Variants in TENM3 observed in about 807,000 individuals in gnomAD.
The protein encoded by TENM3 is teneurin transmembrane protein 3.
In TENM3, 63 loss-of-function variants were observed where a neutral mutation model predicts 255.1. The observed-to-expected ratio is 0.25, with a 90% CI of 0.20 to 0.30. The LOEUF is 0.30. Among genes scored for constraint, TENM3 ranks in the 10% least tolerant of loss-of-function variants. The probability of loss-of-function intolerance (pLI) is 1.00; values close to 1 mark genes in which losing one functional copy is unlikely to be tolerated. For synonymous variants in TENM3, 1,306 were observed against 1,322.3 expected (o/e 0.99, Z 0.27); for missense variants, 2,929 against 3,461.1 (o/e 0.85, Z 3.86).
the TENM3 span, among the ~76,000 whole-genome samples, chr4:181,850,412 G>T: frequency 1.1e-4 from 16 of 151,866 alleles, no homozygotes; most frequent in African/African-American, 3.4e-4. Context: ...TTTGGTATTT[G>T]CTTCTTTCAT....
rs189104760 is a variant in TENM3, at chr4:182,530,656, G to A, written c.512-70268G>A. 3.3e-5 allele frequency among the ~76,000 whole-genome samples: 5 copies of A among 152,236 alleles called. 1 individual carries two copies. The South Asian group carries it at 6.2e-4, about 19-fold the overall frequency. On this transcript the variant is annotated intron_variant, in intron 3 of 27. Transcript: ENST00000511685. ...ATGACAACCAAAAATGTCTCCAGAC[G>A]TTTTCTAATGTCCCCGGGGGAAAAA...
At chr4:182,341,840 A>G (rs1764505912) in intron 2 of TENM3, among the ~76,000 whole-genome samples, 1 of 152,250 alleles carries the variant, frequency 6.6e-6, no homozygotes, top group Non-Finnish European at 1.5e-5. Flanking sequence ...TTTGCATAGC[A>G]GACTCACAGA....
chr4:182,578,211 G>A (rs1329851334), intron 3 of TENM3, among the ~76,000 whole-genome samples: 2 of 152,052 alleles, frequency 1.3e-5, no homozygotes, highest in Non-Finnish European at 2.9e-5. Context: ...TTCTGACCTC[G>A]TGATCCGCGC....
At chr4:181,641,026 A>G in the TENM3 span, among the ~76,000 whole-genome samples, 1 of 152,190 alleles carries the variant, frequency 6.6e-6, no homozygotes, top group African/African-American at 2.4e-5. Flanking sequence ...TGGTAATCAC[A>G]CAAGGGACTA....
At chr4:181,824,015 A>G in the TENM3 span, among the ~76,000 whole-genome samples, 1 of 152,176 alleles carries the variant, frequency 6.6e-6, no homozygotes, top group African/African-American at 2.4e-5. Context: ...ATACAGATAT[A>G]TGAAGACACT....
At chr4:181,825,190 C>G in the TENM3 span, among the ~76,000 whole-genome samples, 1 of 152,072 alleles carries the variant, frequency 6.6e-6, no homozygotes, top group South Asian at 2.1e-4. Context: ...ATCATGAGGT[C>G]AAGAGACCAA....
the TENM3 span, among the ~76,000 whole-genome samples, chr4:181,605,490 GAAAGAAAGAAAGAAAGAAAGAA>G: frequency 4.1e-4 from 3 of 7,334 alleles, no homozygotes; most frequent in African/African-American, 1.3e-3. Flanking sequence ...GAGAAAGAAA[GAAAGAAAGAAAGAAAGAAAGAA>G]AGAAAGAAAG....
At chr4:182,670,855 A>T (rs1334538633) in intron 6 of TENM3, among the ~76,000 whole-genome samples, 2 of 152,160 alleles carry the variant, frequency 1.3e-5, no homozygotes, top group East Asian at 3.9e-4. Context: ...TGTTTGAGGC[A>T]TCGAAATGCA....
At chr4:182,077,886 G>T in the TENM3 span, among the ~76,000 whole-genome samples, 1 of 152,110 alleles carries the variant, frequency 6.6e-6, no homozygotes, top group Non-Finnish European at 1.5e-5. Context: ...GTGGATGGGG[G>T]CTTGTTGAGG....
the TENM3 span, among the ~76,000 whole-genome samples, chr4:181,875,486 A>C: frequency 5.3e-5 from 8 of 151,266 alleles, no homozygotes; most frequent in Non-Finnish European, 8.8e-5. Context: ...AACACTCTGA[A>C]ATAGGTTTTA....
intron 16 of TENM3, among the ~76,000 whole-genome samples, chr4:182,733,308 T>C (rs1760915563): frequency 6.6e-6 from 1 of 152,184 alleles, no homozygotes; most frequent in Non-Finnish European, 1.5e-5. Flanking sequence ...CACAAGCCAT[T>C]GGAGACCATG....
chr4:182,626,916 T>G (rs1750869182), intron 4 of TENM3, among the ~76,000 whole-genome samples: 1 of 152,178 alleles, frequency 6.6e-6, no homozygotes, highest in Non-Finnish European at 1.5e-5. Flanking sequence ...TAGTGCCATT[T>G]TTTTTACAGG....
At chr4:181,872,336 TTAAGTTCAGGGG>T in the TENM3 span, among the ~76,000 whole-genome samples, 1 of 146,730 alleles carries the variant, frequency 6.8e-6, no homozygotes, top group African/African-American at 2.5e-5. Flanking sequence ...AACTTTTATT[TTAAGTTCAGGGG>T]TACATGTGCA....
intron 3 of TENM3, among the ~76,000 whole-genome samples, chr4:182,449,868 T>C (rs1400504084): frequency 6.6e-6 from 1 of 152,192 alleles, no homozygotes; most frequent in African/African-American, 2.4e-5. Context: ...TTGTGCTGTA[T>C]CTGTTGAAGT....
chr4:182,262,703 T>G (rs1175716230), intron 1 of TENM3, among the ~76,000 whole-genome samples: 1 of 151,250 alleles, frequency 6.6e-6, no homozygotes, highest in African/African-American at 2.4e-5. Flanking sequence ...GTAGCCATTC[T>G]TTTATTCCTT....
the TENM3 span, among the ~76,000 whole-genome samples, chr4:181,827,773 AT>A: frequency 6.6e-6 from 1 of 152,300 alleles, no homozygotes; most frequent in East Asian, 1.9e-4. Context: ...GAGCAGGACG[AT>A]GCCTACCAAG....
chr4:181,692,763 T>A, the TENM3 span, among the ~76,000 whole-genome samples: 1 of 151,938 alleles, frequency 6.6e-6, no homozygotes, highest in Non-Finnish European at 1.5e-5. Flanking sequence ...CATCAGAGGG[T>A]CTTTGCTGCC....
chr4:182,719,448 G>C (rs1759510836), intron 13 of TENM3, among the ~76,000 whole-genome samples: 1 of 151,642 alleles, frequency 6.6e-6, no homozygotes, highest in Non-Finnish European at 1.5e-5. Flanking sequence ...TTTTAGTAGA[G>C]ACGGGGTTCA....
At chr4:182,722,680 G>A (rs189843626) in intron 13 of TENM3, among the ~76,000 whole-genome samples, 1 of 152,224 alleles carries the variant, frequency 6.6e-6, no homozygotes, top group Admixed American at 6.5e-5. Context: ...ATTTTAGCCA[G>A]AGAAGTGAAA....
Sources: gnomAD v4.1 joint callset for allele counts (sites outside exome capture counted in the v4.1 genomes callset) on GRCh38, gnomAD v4.1.1 for gene constraint, MANE v1.5 for transcripts, NCBI Gene and HGNC (gene_info 2026-07-23, HGNC 2026-07-21) for gene names.